PCDHGB4: variants seen among roughly 807,000 people sequenced by gnomAD.
PCDHGB4 encodes the protein protocadherin gamma-B4.
A neutral mutation model predicts 60.5 loss-of-function variants in PCDHGB4; 38 were observed. That is an observed-to-expected ratio of 0.63 (90% CI 0.48 to 0.82). The LOEUF (loss-of-function observed/expected upper bound fraction) is 0.82, where lower values mean the gene tolerates loss of function less well. PCDHGB4 is among the 40% of genes least tolerant of loss of function. The pLI, the probability that PCDHGB4 is intolerant of heterozygous loss-of-function variation, is 0.00. For missense variants in PCDHGB4, 1,109 were observed against 1,209.6 expected, an observed-to-expected ratio of 0.92 and a Z score of 1.23; for synonymous variants, 456 against 509.7, an observed-to-expected ratio of 0.89 and a Z score of 1.42.
chr5:141,504,351 G>A (rs77439649), intron 2 of PCDHGB4, among the ~76,000 whole-genome samples: 2 of 152,010 alleles, frequency 1.3e-5, no homozygotes, highest in African/African-American at 4.8e-5. Context: ...CTTTGTGCTA[G>A]GTGCTTCAGT....
Position 141,476,104 on chromosome 5 carries a change from G to A in PCDHGB4, c.2398-18703G>A. 6.3e-7 allele frequency: 1 copy of A among 1,584,700 alleles called. No homozygotes were observed. Among genetic ancestry groups the A allele is most frequent in the Non-Finnish European group, 8.6e-7 (1 of 1,168,500 alleles). On this transcript the variant is annotated intron_variant, in intron 1 of 3. Coordinates refer to ENST00000519479, the MANE Select transcript of PCDHGB4 (RefSeq NM_003736.4). The surrounding 1 kb of genome is among the most constrained non-coding windows in gnomAD (Gnocchi z 7.6). ...GATCTGGACCCCGCTGAGAGGAACTGCTTTTGAGTGAGATGGTCCCAGAGG... is the reference window on the plus strand; with the variant it reads ...GATCTGGACCCCGCTGAGAGGAACTACTTTTGAGTGAGATGGTCCCAGAGG...
intron 1 of PCDHGB4, among the ~76,000 whole-genome samples, chr5:141,472,001 G>A (rs992798148): frequency 1.1e-4 from 17 of 152,022 alleles, no homozygotes; most frequent in East Asian, 3.9e-4. Context: ...TCCCTGCATC[G>A]TATAGGGGCA....
At chr5:141,475,448 G>A (rs774710049) in intron 1 of PCDHGB4, among the ~76,000 whole-genome samples, 1 of 152,214 alleles carries the variant, frequency 6.6e-6, no homozygotes, top group Non-Finnish European at 1.5e-5. Flanking sequence ...CAGATAATGA[G>A]GAAGTGACAG....
Position 141,487,532 on chromosome 5 carries a change from A to T in PCDHGB4, c.2398-7275A>T. 6.2e-7 allele frequency: 1 copy of T among 1,614,158 alleles called. No homozygotes were observed. The highest frequency in any genetic ancestry group is 8.5e-7 in the Non-Finnish European group (1 of 1,180,022). ...ACCCACTCGGAGTGATAGCTTCATG[A>T]TGGTGAAGTCACCCAGTGCACCTAT... is the stretch of plus-strand genomic sequence containing the variant. On this transcript the variant is annotated intron_variant, in intron 1 of 3. Transcript: ENST00000519479. This position sits in a 1 kb window ranked among gnomAD's most constrained non-coding sequence, Gnocchi z 5.0.
chr5:141,427,398 A>T (rs1040184910), intron 1 of PCDHGB4: 8 of 460,774 alleles, frequency 1.7e-5, no homozygotes, highest in Non-Finnish European at 3.5e-5. Context: ...AACACATGAT[A>T]AAGATTCGAG....
At chr5:141,470,001 C>T (rs753591964) in intron 1 of PCDHGB4, among the ~76,000 whole-genome samples, 6 of 152,006 alleles carry the variant, frequency 3.9e-5, no homozygotes, top group Admixed American at 1.3e-4. Context: ...CGTCGTGGCA[C>T]GCCTGTAATC....
chr5:141,456,236 T>G (rs1299029934), intron 1 of PCDHGB4, among the ~76,000 whole-genome samples: 1 of 152,120 alleles, frequency 6.6e-6, no homozygotes, highest in African/African-American at 2.4e-5. Flanking sequence ...TAACTGCTGT[T>G]AGGAGGCTTT....
chr5:141,419,834 A>C, intron 1 of PCDHGB4: 1 of 1,614,072 alleles, frequency 6.2e-7, no homozygotes, highest in Non-Finnish European at 8.5e-7. Context: ...AGCCACTGCC[A>C]CGCTGCACCT....
At chr5:141,501,036 T>C (rs893597004) in intron 2 of PCDHGB4, among the ~76,000 whole-genome samples, 4 of 151,702 alleles carry the variant, frequency 2.6e-5, no homozygotes, top group Non-Finnish European at 4.4e-5. Flanking sequence ...GCCCAGCTAA[T>C]TTTTGTATTT....
At chr5:141,415,810 T>TATATATC in intron 1 of PCDHGB4, 1 of 1,360,418 alleles carries the variant, frequency 7.4e-7, no homozygotes, top group Non-Finnish European at 9.5e-7. Flanking sequence ...AATCAAGGCC[T>TATATATC]ATATATCATA....
intron 1 of PCDHGB4, chr5:141,479,186 T>C (rs956575218): frequency 3.3e-5 from 5 of 152,590 alleles, no homozygotes; most frequent in Admixed American, 3.3e-4. Flanking sequence ...GCTAGAAAAT[T>C]CAGAAAATAC....
intron 1 of PCDHGB4, among the ~76,000 whole-genome samples, chr5:141,463,073 C>G (rs911706393): frequency 6.6e-6 from 1 of 152,110 alleles, no homozygotes; most frequent in African/African-American, 2.4e-5. Flanking sequence ...AAATGAAATT[C>G]AAACATTTTC....
Position 141,453,292 on chromosome 5 carries a change from T to A in PCDHGB4, c.2398-41515T>A, listed in dbSNP as rs141563552. The stretch of plus-strand genomic sequence containing the variant: ...CCATGACTGGCTAATTTTTTAATTA[T>A]TTATTTATTTATTTATTTATTTTAG... On this transcript the variant is annotated intron_variant, in intron 1 of 3. Transcript: ENST00000519479. Among the ~76,000 whole-genome samples, 253 of 151,810 alleles carry A rather than the reference T, an allele frequency of 1.7e-3. 1 individual carries two copies. The highest frequency in any genetic ancestry group is 2.6e-3 in the Non-Finnish European group (178 of 67,938).
Position 141,477,609 on chromosome 5 carries a change from A to T in PCDHGB4, c.2398-17198A>T, listed in dbSNP as rs775454070. The T allele has an allele frequency of 6.2e-7, 1 of 1,614,192 alleles. No homozygotes were observed. The highest frequency in any genetic ancestry group is 1.1e-5 in the South Asian group (1 of 91,082). ...GCTCGGCTTTCTTTCTTTCTCTTGG[A>T]GCAAGGAGCTGAAACCGGGCTAGTG... On this transcript the variant is annotated intron_variant, in intron 1 of 3. Transcript: ENST00000519479. The surrounding 1 kb of genome is among the most constrained non-coding windows in gnomAD (Gnocchi z 4.9).
intron 1 of PCDHGB4, chr5:141,395,547 TGTGTGTGTGTGTG>T (rs2093269474): frequency 0.024 from 4,142 of 174,004 alleles, 329 homozygotes; most frequent in East Asian, 0.047. Flanking sequence ...ATTGTTTGTG[TGTGTGTGTGTGTG>T]TGTGTGTGTG....
intron 1 of PCDHGB4, chr5:141,418,797 A>T (rs201246978): frequency 1.9e-6 from 3 of 1,613,896 alleles, no homozygotes; most frequent in Non-Finnish European, 2.5e-6. Flanking sequence ...GAAGAAGTAG[A>T]AAGATATACG....
intron 1 of PCDHGB4, chr5:141,415,423 G>A: frequency 1.2e-6 from 2 of 1,614,204 alleles, no homozygotes; most frequent in Non-Finnish European, 1.7e-6. Context: ...CGTGGACGGG[G>A]TTCGGGCTTT....
At chr5:141,468,746 G>A (rs1298497433) in intron 1 of PCDHGB4, among the ~76,000 whole-genome samples, 1 of 151,850 alleles carries the variant, frequency 6.6e-6, no homozygotes, top group Non-Finnish European at 1.5e-5. Flanking sequence ...GGTGCCTGTA[G>A]TCCCAGCTAC....
intron 1 of PCDHGB4, among the ~76,000 whole-genome samples, chr5:141,434,616 T>C (rs911085192): frequency 1.3e-5 from 2 of 152,204 alleles, no homozygotes; most frequent in East Asian, 1.9e-4. Context: ...TCCGCCCATC[T>C]CTTCGTTTCC....
Sources: allele counts gnomAD v4.1 joint callset (sites outside exome capture counted in the v4.1 genomes callset), GRCh38; gene constraint gnomAD v4.1.1; non-coding constraint Gnocchi (gnomAD v3.1); transcripts MANE v1.5; gene names NCBI Gene and HGNC (gene_info 2026-07-23, HGNC 2026-07-21).